Variants in MYO1C observed in about 807,000 individuals in gnomAD.
The protein encoded by MYO1C is unconventional myosin-Ic.
Under a neutral mutation model 150.8 loss-of-function variants are expected in MYO1C, and 104 were observed. That is an observed-to-expected ratio of 0.69 (90% confidence interval 0.59 to 0.81). The LOEUF is 0.81. MYO1C is among the 30% of genes least tolerant of loss of function. The pLI, the probability that MYO1C is intolerant of heterozygous loss-of-function variation, is 0.00. For missense variants in MYO1C, 1,504 were observed against 1,435.0 expected, an observed-to-expected ratio of 1.05 and a Z score of -0.78; for synonymous variants, 663 against 579.9, an observed-to-expected ratio of 1.14 and a Z score of -2.06.
chr17:1,470,184 G>A lies in MYO1C; in HGVS notation c.2517C>T (p.Ala839=). ...GGGGGTGCCCACAGACCTCACGCAG[G>A]GCAGGTGGGGGCGTGGGCCACGAGG... is the stretch of plus-strand genomic sequence containing the variant. ...LDTSWPTPPP[A]LREASELLRE... is the part of the protein sequence containing the mutation. Residue 839 remains alanine, a synonymous_variant, in exon 24 of 32, where the codon GCC becomes GCT. Coordinates refer to ENST00000648651, the MANE Select transcript of MYO1C (RefSeq NM_001080779.2). The A allele has an allele frequency of 6.2e-7, 1 of 1,610,494 alleles. No homozygotes were observed. The highest frequency in any genetic ancestry group is 8.5e-7 in the Non-Finnish European group (1 of 1,179,104).
At chr17:1,491,446 G>GCCC (rs2074729869) in intron 1 of MYO1C, among the ~76,000 whole-genome samples, 1 of 51,400 alleles carries the variant, frequency 1.9e-5, no homozygotes, top group Admixed American at 1.6e-4. Context: ...CGGGTCGTGG[G>GCCC]ACCCCCCCCC....
At chr17:1,476,265 G>A (rs1567523590) in intron 14 of MYO1C, among the ~76,000 whole-genome samples, 1 of 150,524 alleles carries the variant, frequency 6.6e-6, no homozygotes, top group Non-Finnish European at 1.5e-5. Context: ...TGCAAGCTCC[G>A]CCCCCCAGGT....
intron 17 of MYO1C, 86 bp downstream of exon 17, chr17:1,474,524 G>T: frequency 7.1e-7 from 1 of 1,398,710 alleles, no homozygotes. Context: ...GCGTTCACAC[G>T]CACGCTGCCA....
At chr17:1,488,514 C>T (rs913003086) in intron 1 of MYO1C, among the ~76,000 whole-genome samples, 1 of 152,242 alleles carries the variant, frequency 6.6e-6, no homozygotes, top group African/African-American at 2.4e-5. Flanking sequence ...GCCAGCCAAG[C>T]CGTGAGGTCC....
chr17:1,485,025 G>A (rs538851897), intron 1 of MYO1C: 2 of 1,035,220 alleles, frequency 1.9e-6, no homozygotes, highest in South Asian at 1.3e-5. Flanking sequence ...GCCCTCCCTC[G>A]CATGGCTGGG....
intron 21 of MYO1C, 137 bp from the exon 22 acceptor site, chr17:1,470,826 G>C: frequency 3.2e-6 from 3 of 935,444 alleles, no homozygotes; most frequent in South Asian, 2.8e-5. Context: ...TGGTGAAGAA[G>C]AATGAATGTG....
chr17:1,472,214 G>T lies in MYO1C; in HGVS notation c.1812C>A (p.Phe604Leu). ...KKRPETVATQ[F>L]KMSLLQLVEI... is the part of the protein sequence containing the mutation. ...CCACCAGCTGCAGGAGGCTCATCTT[G>T]AACTGGGTGGCGACCTGGCGAGCCA... The change falls in exon 18 of 32, where the codon TTC (phenylalanine) becomes TTA (leucine). Residue 604 changes from phenylalanine (F) to leucine (L), a missense_variant. Phe to Leu is a conservative substitution (Grantham distance 22). Transcript: ENST00000648651. The T allele has an allele frequency of 6.2e-7, 1 of 1,614,118 alleles. No homozygotes were observed. Among genetic ancestry groups the T allele is most frequent in the South Asian group, 1.1e-5 (1 of 91,078 alleles).
At chr17:1,490,035 C>CA (rs368349826) in intron 1 of MYO1C, among the ~76,000 whole-genome samples, 50,541 of 104,248 alleles carry the variant, frequency 0.48, 11,156 homozygotes, top group Middle Eastern at 0.52. Context: ...GACACTGTCT[C>CA]AAAAAAAAAA....
Position 1,480,574 on chromosome 17 carries a change from C to A in MYO1C, c.859G>T (p.Val287Phe). ...SINDKSDWKV[V>F]RKALTVIDFT... ...TCAATGACTGTCAGAGCCTTCCTGA[C>A]GACCTTCCAGTCACTCTTGTCGTTG... The change falls in exon 7 of 32, where the codon GTC becomes TTC. Residue 287 changes from valine (V) to phenylalanine (F), a missense_variant. Transcript: ENST00000648651. The A allele has an allele frequency of 6.2e-7, 1 of 1,614,200 alleles. No individual in the cohort carries two copies. Among genetic ancestry groups the A allele is most frequent in the Non-Finnish European group, 8.5e-7 (1 of 1,180,042 alleles).
At chr17:1,474,011 G>A (rs956973823) in intron 17 of MYO1C, among the ~76,000 whole-genome samples, 6 of 152,070 alleles carry the variant, frequency 3.9e-5, no homozygotes, top group Admixed American at 3.3e-4. Flanking sequence ...GACAGCAACC[G>A]CACAGAGGCA....
chr17:1,475,367 C>T (rs1347010606), intron 14 of MYO1C, among the ~76,000 whole-genome samples: 1 of 151,772 alleles, frequency 6.6e-6, no homozygotes, highest in Non-Finnish European at 1.5e-5. Flanking sequence ...TGCAGTGAGC[C>T]GAGATGGTGC....
intron 17 of MYO1C, 63 bp from the exon 18 acceptor site, chr17:1,472,291 C>A: frequency 7.0e-7 from 1 of 1,431,996 alleles, no homozygotes; most frequent in South Asian, 1.2e-5. Context: ...ACCCCAGCAG[C>A]GAGTACCCCA....
At chr17:1,475,156 C>T (rs2074379499) in intron 14 of MYO1C, 124 bp from the exon 15 acceptor site, 2 of 934,072 alleles carry the variant, frequency 2.1e-6, no homozygotes, top group South Asian at 2.8e-5. Context: ...CACAGTGGCT[C>T]ACGGCTGTAA....
chr17:1,485,072 C>A, intron 1 of MYO1C: 1 of 1,235,774 alleles, frequency 8.1e-7, no homozygotes, highest in Non-Finnish European at 1.1e-6. Flanking sequence ...GCTCCCCAGG[C>A]ACCTCCTCCA....
chr17:1,477,431 G>A (rs920491471), intron 14 of MYO1C, 74 bp downstream of exon 14: 24 of 1,370,464 alleles, frequency 1.8e-5, no homozygotes, highest in Non-Finnish European at 2.2e-5. Context: ...TTGTGATGGC[G>A]GAGGGACTCC....
Position 1,479,542 on chromosome 17 carries a change from CA to C in MYO1C, c.1021-41del. On this transcript the variant is annotated intron_variant, in intron 8 of 31. Transcript: ENST00000648651. This position sits in a 1 kb window ranked among gnomAD's most constrained non-coding sequence, Gnocchi z 4.2. ...CGAGGACACGGTGAGGGTGCACCCC[CA>C]GCCCCCGCCCCCGCCGTCCTCCCGT... 1 of 1,425,748 alleles carries C rather than the reference CA, an allele frequency of 7.0e-7. No individual in the cohort carries two copies. The highest frequency in any genetic ancestry group is 9.7e-7 in the Non-Finnish European group (1 of 1,029,820). The allele number at this position is 1,425,748 out of a possible 1,614,324, so 88.3% of individuals were successfully genotyped here.
chr17:1,489,458 T>G (rs982922622), intron 1 of MYO1C, among the ~76,000 whole-genome samples: 3 of 152,194 alleles, frequency 2.0e-5, no homozygotes, highest in African/African-American at 7.2e-5. Flanking sequence ...GAGGATCGCT[T>G]GAGGCCAGGA....
Position 1,492,550 on chromosome 17 carries a change from C to G in MYO1C, c.-63G>C. On this transcript the variant is annotated 5_prime_UTR_variant, in exon 1 of 32. Transcript: ENST00000648651. ...CCTGTGAGCAAGAGCTGCCTGCCCA[C>G]TGGCGGGCTCCGACCACTCCGGGAC... 1 of 1,489,802 alleles carries G rather than the reference C, an allele frequency of 6.7e-7. No homozygotes were observed. The highest frequency in any genetic ancestry group is 9.2e-7 in the Non-Finnish European group (1 of 1,091,198). The allele number at this position is 1,489,802 out of a possible 1,614,324, so 92.3% of individuals were successfully genotyped here.
intron 1 of MYO1C, among the ~76,000 whole-genome samples, chr17:1,488,467 G>T (rs1174099765): frequency 2.0e-5 from 3 of 152,346 alleles, no homozygotes; most frequent in African/African-American, 4.8e-5. Context: ...CGCCTCCTGC[G>T]TTCTCCGCGC....
Sources: gnomAD v4.1 joint callset for allele counts (sites outside exome capture counted in the v4.1 genomes callset) on GRCh38, gnomAD v4.1.1 for gene constraint, Gnocchi (gnomAD v3.1) non-coding constraint, MANE v1.5 for transcripts, NCBI Gene and HGNC (gene_info 2026-07-23, HGNC 2026-07-21) for gene names.